SEMA5B: variants seen among roughly 807,000 people sequenced by gnomAD.
SEMA5B encodes the protein semaphorin 5B.
In SEMA5B, 66 loss-of-function variants were observed where a neutral mutation model predicts 135.0. That is an observed-to-expected ratio of 0.49 (90% CI 0.40 to 0.60). The LOEUF (loss-of-function observed/expected upper bound fraction) is 0.60. Among genes scored for constraint, SEMA5B ranks in the 20% least tolerant of loss-of-function variants. The pLI, the probability that SEMA5B is intolerant of heterozygous loss-of-function variation, is 0.00. For synonymous variants in SEMA5B, 690 were observed against 639.5 expected, an observed-to-expected ratio of 1.08 and a Z score of -1.19; for missense variants, 1,501 against 1,566.3, an observed-to-expected ratio of 0.96 and a Z score of 0.70.
intron 1 of SEMA5B, among the ~76,000 whole-genome samples, chr3:123,012,643 C>T (rs1344020154): frequency 6.6e-6 from 1 of 152,188 alleles, no homozygotes; most frequent in East Asian, 1.9e-4. Context: ...TAATTAAAGC[C>T]ACAGGTTAAT....
intron 5 of SEMA5B, among the ~76,000 whole-genome samples, chr3:122,937,391 C>T (rs1031682628): frequency 3.2e-4 from 49 of 152,370 alleles, no homozygotes; most frequent in Admixed American, 1.8e-3. Context: ...CCAAGGTCTG[C>T]TCCAGGGGAC....
rs761795926 is a variant in SEMA5B, at chr3:122,913,275, G to C, written c.2430C>G (p.His810Gln). The change falls in exon 17 of 23, where the codon CAC (histidine) becomes CAG (glutamine). Residue 810 changes from histidine (H) to glutamine (Q), a missense_variant. Around this residue, in one of 2 missense-constraint regions of SEMA5B, gnomAD observed 927 missense variants for 881.6 expected, o/e 1.05. Coordinates refer to ENST00000357599, the MANE Select transcript of SEMA5B (RefSeq NM_001031702.4). ...FTCRAPLADPHGLQFGRRRTE... is the reference protein window; with the variant it reads ...FTCRAPLADPQGLQFGRRRTE... The stretch of plus-strand genomic sequence containing the variant: ...TCCTTCTCCTGCCGAACTGCAGGCC[G>C]TGCGGGTCTGCAAGGGGCGCGCGGC... The C allele has an allele frequency of 2.9e-5, 46 of 1,583,920 alleles. No homozygotes were observed. The highest frequency in any genetic ancestry group is 3.5e-5 in the Non-Finnish European group (41 of 1,173,682).
Position 122,961,251 on chromosome 3 carries a change from A to T in SEMA5B, c.13T>A (p.Phe5Ile). Reference sequence around the variant, plus strand: ...TGGTGGGCAACAGGAGACGGACTGAAGCCACAGGGCATCCAAGAGACACAG... The same window carrying T: ...TGGTGGGCAACAGGAGACGGACTGATGCCACAGGGCATCCAAGAGACACAG... Reference protein sequence around the residue: MPCGFSPSPVAHHLV... With the variant: MPCGISPSPVAHHLV... The change falls in exon 2 of 23, where the codon TTC becomes ATC. Residue 5 changes from phenylalanine (F) to isoleucine (I), a missense_variant. Transcript: ENST00000357599. The T allele has an allele frequency of 6.2e-7, 1 of 1,614,128 alleles. No individual in the cohort carries two copies. The highest frequency in any genetic ancestry group is 1.1e-5 in the South Asian group (1 of 91,068).
Position 122,978,781 on chromosome 3 carries a change from A to G in SEMA5B, c.-38-17480T>C, listed in dbSNP as rs181418901. 1.1e-3 allele frequency among the ~76,000 whole-genome samples: 171 copies of G among 152,310 alleles called. 2 individuals are homozygous for G. Among genetic ancestry groups the G allele is most frequent in the African/African-American group, 4.0e-3 (166 of 41,564 alleles). Reference sequence around the variant, plus strand: ...TGGGGAGTAAATAGGTGCTCAATAAATGCATGTTCAGCTCAACTGAGCAAA... The same window carrying G: ...TGGGGAGTAAATAGGTGCTCAATAAGTGCATGTTCAGCTCAACTGAGCAAA... On this transcript the variant is annotated intron_variant, in intron 1 of 22. Transcript: ENST00000357599.
chr3:123,020,605 C>T (rs1942653571), intron 1 of SEMA5B, among the ~76,000 whole-genome samples: 1 of 152,178 alleles, frequency 6.6e-6, no homozygotes. Flanking sequence ...TTCTGCATGC[C>T]ATTGGCATGA....
intron 1 of SEMA5B, among the ~76,000 whole-genome samples, chr3:122,997,183 G>A (rs747150271): frequency 6.6e-6 from 1 of 152,180 alleles, no homozygotes; most frequent in African/African-American, 2.4e-5. Context: ...CTCTTTAGGT[G>A]TGGAAGCCGA....
chr3:122,919,077 G>C (rs1436197585), intron 12 of SEMA5B, among the ~76,000 whole-genome samples: 4 of 151,116 alleles, frequency 2.6e-5, no homozygotes, highest in Non-Finnish European at 5.9e-5. Flanking sequence ...TGGGCTCGGA[G>C]GTGTGACAGA....
At chr3:122,989,503 C>A (rs540048364) in intron 1 of SEMA5B, among the ~76,000 whole-genome samples, 3 of 152,352 alleles carry the variant, frequency 2.0e-5, no homozygotes, top group African/African-American at 7.2e-5. Context: ...ATGTGCTGTG[C>A]CTTCTATGGC....
intron 1 of SEMA5B, among the ~76,000 whole-genome samples, chr3:122,970,715 C>T (rs1475358848): frequency 1.3e-5 from 2 of 152,188 alleles, no homozygotes. Context: ...ATTATTGCCC[C>T]TACTTTACTG....
chr3:122,981,871 C>T (rs1052945769), intron 1 of SEMA5B, among the ~76,000 whole-genome samples: 7 of 152,128 alleles, frequency 4.6e-5, no homozygotes, highest in Non-Finnish European at 8.8e-5. Flanking sequence ...TGGTGTGACA[C>T]GGATGGATGG....
intron 5 of SEMA5B, among the ~76,000 whole-genome samples, chr3:122,938,486 G>A (rs915092653): frequency 1.3e-5 from 2 of 152,150 alleles, no homozygotes; most frequent in South Asian, 2.1e-4. Context: ...TGGCCAGAAT[G>A]TCATACCAGC....
At chr3:122,947,726 G>C (rs946228638) in intron 3 of SEMA5B, among the ~76,000 whole-genome samples, 1 of 152,126 alleles carries the variant, frequency 6.6e-6, no homozygotes, top group Non-Finnish European at 1.5e-5. Flanking sequence ...AAACCTGCCA[G>C]TGTCCCTCAA....
chr3:122,931,144 C>T (rs1157120204), intron 5 of SEMA5B, among the ~76,000 whole-genome samples: 1 of 152,144 alleles, frequency 6.6e-6, no homozygotes, highest in African/African-American at 2.4e-5. Flanking sequence ...CGACGACCCA[C>T]TCCTCCCATA....
At chr3:122,959,635 G>A (rs1245411036) in intron 2 of SEMA5B, among the ~76,000 whole-genome samples, 6 of 152,302 alleles carry the variant, frequency 3.9e-5, no homozygotes, top group East Asian at 1.9e-4. Flanking sequence ...TGTGAACATC[G>A]TGAGGGCAAT....
At chr3:122,924,628 C>A (rs1208561718) in intron 9 of SEMA5B, among the ~76,000 whole-genome samples, 2 of 152,192 alleles carry the variant, frequency 1.3e-5, no homozygotes, top group African/African-American at 2.4e-5. Flanking sequence ...CATACCCTCC[C>A]TGCCCTACCC....
chr3:122,929,351 G>C (rs573741889), intron 5 of SEMA5B, among the ~76,000 whole-genome samples: 1 of 152,310 alleles, frequency 6.6e-6, no homozygotes, highest in South Asian at 2.1e-4. Flanking sequence ...TCCCCACGCA[G>C]ATCTGCCCTC....
intron 1 of SEMA5B, among the ~76,000 whole-genome samples, chr3:122,997,357 A>T (rs1294221271): frequency 1.3e-5 from 2 of 151,506 alleles, no homozygotes; most frequent in Admixed American, 1.3e-4. Context: ...CTTCTCGCCT[A>T]TCCTTCTTGC....
chr3:122,950,018 G>A lies in SEMA5B; in HGVS notation c.125-1309C>T, dbSNP rs188606068. ...AGTTCTTTCTCTATTGCAAAAACCC[G>A]CTGTTCTCAATACATTGGCTTTTCT... On this transcript the variant is annotated intron_variant, in intron 2 of 22. Coordinates refer to ENST00000357599, the MANE Select transcript of SEMA5B (RefSeq NM_001031702.4). Among the ~76,000 whole-genome samples, 9 of 152,266 alleles carry A rather than the reference G, an allele frequency of 5.9e-5. No individual in the cohort carries two copies. In the East Asian group the frequency reaches 9.6e-4, roughly 16 times the overall value.
chr3:122,980,866 C>T (rs58236824), intron 1 of SEMA5B, among the ~76,000 whole-genome samples: 4,996 of 152,298 alleles, frequency 0.033, 298 homozygotes, highest in East Asian at 0.24. Context: ...TACTATCTGT[C>T]TCTGATTTGA....
Sources: allele counts gnomAD v4.1 joint callset (sites outside exome capture counted in the v4.1 genomes callset), GRCh38; gene constraint gnomAD v4.1.1; regional missense constraint gnomAD v4.1.1; transcripts MANE v1.5; gene names NCBI Gene and HGNC (gene_info 2026-07-23, HGNC 2026-07-21).